CLDN7: variants seen among roughly 807,000 people sequenced by gnomAD.
CLDN7 encodes the protein claudin-7.
Under a neutral mutation model 20.3 loss-of-function variants are expected in CLDN7, and 15 were observed. That is an observed-to-expected ratio of 0.74 (90% CI 0.49 to 1.14). CLDN7 has a LOEUF of 1.14. Ranked by LOEUF, CLDN7 falls within the 50% of genes most tolerant of loss-of-function variation. The pLI is 0.00. For missense variants in CLDN7, 261 were observed against 274.2 expected, an observed-to-expected ratio of 0.95 and a Z score of 0.34; for synonymous variants, 117 against 106.1, an observed-to-expected ratio of 1.10 and a Z score of -0.63.
rs1405473579 is a variant in CLDN7 at position 7,260,255 on chromosome 17, A to T, written c.*119T>A. ...AGAGGACTATACATGGAGTGCAGGG[A>T]CAGAGTGACCAGGAGGCCTTTGTCC... On this transcript the variant is annotated 3_prime_UTR_variant, in exon 4 of 4. Transcript: ENST00000360325. 6.8e-6 allele frequency: 5 copies of T among 735,498 alleles called. No individual in the cohort carries two copies. Among genetic ancestry groups the T allele is most frequent in the Non-Finnish European group, 1.0e-5 (5 of 483,572 alleles). 45.6% of individuals were successfully genotyped at this position (735,498 alleles called of 1,614,324 possible).
At position 7,262,181 on chromosome 17, in the gene CLDN7, C is replaced by A; in HGVS notation, c.-138G>T. The A allele has an allele frequency of 1.4e-6, 2 of 1,448,524 alleles. No individual in the cohort carries two copies. The highest frequency in any genetic ancestry group is 1.8e-6 in the Non-Finnish European group (2 of 1,107,002). 89.7% of individuals were successfully genotyped at this position (1,448,524 alleles called of 1,614,324 possible). On this transcript the variant is annotated 5_prime_UTR_variant, in exon 1 of 4. Coordinates refer to ENST00000360325, the MANE Select transcript of CLDN7 (RefSeq NM_001307.6). The surrounding 1 kb of genome is among the most constrained non-coding windows in gnomAD (Gnocchi z 6.6). ...CCCAAAGAGACAAAAAGGGTTTGGG[C>A]CAGGTGAATGCAAATCTTGTCACCA...
chr17:7,259,993 C>G lies in CLDN7; in HGVS notation c.*381G>C, dbSNP rs185269004. On this transcript the variant is annotated 3_prime_UTR_variant, in exon 4 of 4. Transcript: ENST00000360325. ...GGGGGTGGGAATGAATGTCGAGATA[C>G]GAGCACCTGCATCTTTTAGTCAATT... is the stretch of plus-strand genomic sequence containing the variant. 1.1e-4 allele frequency: 38 copies of G among 340,810 alleles called. No individual in the cohort carries two copies. The highest frequency in any genetic ancestry group is 1.7e-3 in the Middle Eastern group (2 of 1,166). The allele number at this position is 340,810 out of a possible 1,614,324, so 21.1% of individuals were successfully genotyped here. A position where few individuals can be genotyped will look rare whatever the true frequency, so the allele number is the denominator to read the frequency against.
intron 1 of CLDN7, among the ~76,000 whole-genome samples, chr17:7,261,600 G>A (rs1023237225): frequency 6.6e-6 from 1 of 152,158 alleles, no homozygotes; most frequent in Non-Finnish European, 1.5e-5. Context: ...CTGGGTTGGG[G>A]GAGGAAGAGG....
chr17:7,262,029 G>A lies in CLDN7; in HGVS notation c.15C>T (p.Gly5=), dbSNP rs761074982. The part of the protein sequence containing the change: MANS[G]LQLLGFSMAL... ...CCATGGAGAAGCCCAGCAACTGCAG[G>A]CCCGAATTGGCCATTTCCGCCCTCA... The change falls in exon 1 of 4, where the codon GGC becomes GGT. Residue 5 remains glycine, a synonymous_variant. Transcript: ENST00000360325. The surrounding 1 kb of genome is among the most constrained non-coding windows in gnomAD (Gnocchi z 6.6). 25 of 1,612,882 alleles carry A rather than the reference G, an allele frequency of 1.6e-5. No homozygotes were observed. The highest frequency in any genetic ancestry group is 2.0e-5 in the Non-Finnish European group (24 of 1,179,600).
rs2072179273 is a variant in CLDN7, at chr17:7,260,044, G to A, written c.*330C>T. The stretch of plus-strand genomic sequence containing the variant: ...GTCAGTGGAGTCAGTGGGGTGCTAA[G>A]TGTTCTGAACTGAAGTAGGTGCACT... On this transcript the variant is annotated 3_prime_UTR_variant, in exon 4 of 4. Coordinates refer to ENST00000360325, the MANE Select transcript of CLDN7 (RefSeq NM_001307.6). 5.9e-6 allele frequency: 2 copies of A among 337,446 alleles called. No individual in the cohort carries two copies. Among genetic ancestry groups the A allele is most frequent in the African/African-American group, 2.1e-5 (1 of 47,486 alleles). 20.9% of individuals were successfully genotyped at this position (337,446 alleles called of 1,614,324 possible). A position where few individuals can be genotyped will look rare whatever the true frequency, so the allele number is the denominator to read the frequency against.
intron 1 of CLDN7, among the ~76,000 whole-genome samples, chr17:7,261,388 C>T (rs2143002244): frequency 6.6e-6 from 1 of 152,306 alleles, no homozygotes; most frequent in African/African-American, 2.4e-5. Context: ...GGCTAATCGG[C>T]CGATAAGATT....
chr17:7,260,760 G>T, intron 2 of CLDN7, 34 bp from the exon 3 acceptor site: 5 of 1,614,106 alleles, frequency 3.1e-6, no homozygotes, highest in Non-Finnish European at 4.2e-6. Flanking sequence ...GTATAGTGAG[G>T]CCCCAAATGG....
At position 7,260,928 on chromosome 17, in the gene CLDN7, G is replaced by A; in HGVS notation, c.281C>T (p.Ala94Val). Reference protein sequence around the residue: ...MVVSLVLGFLAMFVATMGMKC... With the variant: ...MVVSLVLGFLVMFVATMGMKC... ...CATGCCCATCGTGGCCACAAACATG[G>A]CCAGGAAGCCCAGCACCAGGGAGAC... is the stretch of plus-strand genomic sequence containing the variant. Residue 94 changes from alanine to valine, a missense_variant, in exon 2 of 4, where the codon GCC becomes GTC. Ala to Val is a moderately conservative substitution (Grantham distance 64). Transcript: ENST00000360325. 6.2e-7 allele frequency: 1 copy of A among 1,614,054 alleles called. No individual in the cohort carries two copies. Among genetic ancestry groups the A allele is most frequent in the Non-Finnish European group, 8.5e-7 (1 of 1,180,040 alleles).
In CLDN7 at chr17:7,262,155, A is replaced by G; in HGVS notation, c.-112T>C. ...AAACTTGAGGTGGAGTTTTCCGGTC[A>G]CCCAAAGAGACAAAAAGGGTTTGGG... On this transcript the variant is annotated 5_prime_UTR_variant, in exon 1 of 4. Coordinates refer to ENST00000360325, the MANE Select transcript of CLDN7 (RefSeq NM_001307.6). The surrounding 1 kb of genome is among the most constrained non-coding windows in gnomAD (Gnocchi z 6.6). 1 of 1,467,752 alleles carries G rather than the reference A, an allele frequency of 6.8e-7. No homozygotes were observed. Among genetic ancestry groups the G allele is most frequent in the Non-Finnish European group, 9.0e-7 (1 of 1,113,834 alleles). The allele number at this position is 1,467,752 out of a possible 1,614,324, so 90.9% of individuals were successfully genotyped here.
In CLDN7 at chr17:7,260,497, C is replaced by G. The variant is rs751075535; in HGVS notation, c.513G>C (p.Gly171=). ...CACCTCCCAGGATGACTAGGGCAGA[C>G]CCTGCCCAGCCAATAAAGATGGCAG... ...FGPAIFIGWA[G]SALVILGGAL... Residue 171 remains glycine (G), a synonymous_variant, in exon 4 of 4, where the codon GGG becomes GGC. Transcript: ENST00000360325. 2 of 1,612,336 alleles carry G rather than the reference C, an allele frequency of 1.2e-6. No individual in the cohort carries two copies. The highest frequency in any genetic ancestry group is 3.4e-5 in the Admixed American group (2 of 59,684).
upstream of CLDN7, chr17:7,262,580 G>C (rs1036588289): frequency 5.6e-6 from 1 of 179,440 alleles, no homozygotes; most frequent in Non-Finnish European, 1.1e-5. This position sits in a 1 kb window ranked among gnomAD's most constrained non-coding sequence, Gnocchi z 6.6. Context: ...GGCGGCCGAG[G>C]ATGACCTGAC....
chr17:7,262,434 G>C lies in CLDN7; in HGVS notation c.-391C>G. ...TCCTGGGCTGTAGGTCCGAGGCTGCGGTGCGCAGCAGAGGTGGCTCGGAGG... is the reference window on the plus strand; with the variant it reads ...TCCTGGGCTGTAGGTCCGAGGCTGCCGTGCGCAGCAGAGGTGGCTCGGAGG... On this transcript the variant is annotated 5_prime_UTR_variant, in exon 1 of 4. Transcript: ENST00000360325. The surrounding 1 kb of genome is among the most constrained non-coding windows in gnomAD (Gnocchi z 6.6). The C allele has an allele frequency of 9.3e-7, 1 of 1,079,198 alleles. No homozygotes were observed. Among genetic ancestry groups the C allele is most frequent in the Non-Finnish European group, 1.1e-6 (1 of 885,336 alleles). The allele number at this position is 1,079,198 out of a possible 1,614,324, so 66.9% of individuals were successfully genotyped here.
chr17:7,262,495 C>T (rs2072241737), upstream of CLDN7: 1 of 831,400 alleles, frequency 1.2e-6, no homozygotes, highest in Non-Finnish European at 1.5e-6. The surrounding 1 kb of genome is among the most constrained non-coding windows in gnomAD (Gnocchi z 6.6). Context: ...GTGGGGCGCA[C>T]CTGAGTATAT....
At chr17:7,261,682 GC>G (rs143827220) in intron 1 of CLDN7, 138 bp downstream of exon 1, 3,395 of 220,600 alleles carry the variant, frequency 0.015, 126 homozygotes, top group African/African-American at 0.081. Context: ...CAGCCCCGCC[GC>G]CCCCAGCCGA....
At chr17:7,261,500 G>A (rs1333765718) in intron 1 of CLDN7, among the ~76,000 whole-genome samples, 1 of 152,144 alleles carries the variant, frequency 6.6e-6, no homozygotes, top group South Asian at 2.1e-4. Flanking sequence ...CTGAGAAAAG[G>A]ACGGGAGATG....
In CLDN7 at chr17:7,260,827, C is replaced by A. The variant is rs1398149433; in HGVS notation, c.382G>T (p.Val128Leu). ...GGAGAACCCGGGGGCTCACCTGCCA[C>A]GATGAAAATTATGCCTCCACCCATG... Reference protein sequence around the residue: ...IAMGGGIIFIVAGLAALVACS... With the variant: ...IAMGGGIIFILAGLAALVACS... Residue 128 changes from valine to leucine, a missense_variant, in exon 2 of 4, where the codon GTG (valine) becomes TTG (leucine). Around this residue, in one of 2 missense-constraint regions of CLDN7, gnomAD observed 215 missense variants for 199.6 expected, o/e 1.08. Transcript: ENST00000360325. The A allele has an allele frequency of 6.2e-7, 1 of 1,614,224 alleles. No homozygotes were observed. Among genetic ancestry groups the A allele is most frequent in the Non-Finnish European group, 8.5e-7 (1 of 1,180,044 alleles).
In CLDN7 at chr17:7,260,137, G is replaced by A. The variant is rs959346215; in HGVS notation, c.*237C>T. 2 of 414,370 alleles carry A rather than the reference G, an allele frequency of 4.8e-6. No homozygotes were observed. The highest frequency in any genetic ancestry group is 4.4e-5 in the South Asian group (1 of 22,860). The allele number at this position is 414,370 out of a possible 1,614,324, so 25.7% of individuals were successfully genotyped here. ...AGAGGCCCTGAAGGGAAAAAAGCCT[G>A]CTTCCCAATACTTATTTTTTATTAC... On this transcript the variant is annotated 3_prime_UTR_variant, in exon 4 of 4. Transcript: ENST00000360325.
chr17:7,261,819 A>G lies in CLDN7; in HGVS notation c.223+2T>C. The G allele has an allele frequency of 1.2e-6, 2 of 1,612,156 alleles. No homozygotes were observed. Among genetic ancestry groups the G allele is most frequent in the Non-Finnish European group, 1.7e-6 (2 of 1,179,984 alleles). On this transcript the variant is annotated splice_donor_variant, in intron 1 of 3. Transcript: ENST00000360325. LOFTEE classifies it high-confidence loss of function. ...TCCGCCCCGTCGGTCCCGCGGCCTT[A>G]CCGGACAGGGCGAGCACCGAGTCGT...
chr17:7,260,649 TGGTA>T lies in CLDN7; in HGVS notation c.462_465del (p.Asn156LeufsTer18). 6.2e-7 allele frequency: 1 copy of T among 1,614,186 alleles called. No homozygotes were observed. The highest frequency in any genetic ancestry group is 8.5e-7 in the Non-Finnish European group (1 of 1,180,024). On this transcript the variant is annotated frameshift_variant, in exon 3 of 4. Coordinates refer to ENST00000360325, the MANE Select transcript of CLDN7 (RefSeq NM_001307.6). LOFTEE classifies it high-confidence loss of function. ...CAGGGTTCCCAGACTTACTTAATGT[TGGTA>T]GGGATCAAAGGGTTATAAAAGTCTG...
Sources: allele counts gnomAD v4.1 joint callset (sites outside exome capture counted in the v4.1 genomes callset), GRCh38; gene constraint gnomAD v4.1.1; regional missense constraint gnomAD v4.1.1; non-coding constraint Gnocchi (gnomAD v3.1); transcripts MANE v1.5; gene names NCBI Gene and HGNC (gene_info 2026-07-23, HGNC 2026-07-21).